Variants in ANK3 observed in about 807,000 individuals in gnomAD.
ANK3 encodes the protein ankyrin-3.
In ANK3, 57 loss-of-function variants were observed where a neutral mutation model predicts 370.9. The observed-to-expected ratio is 0.15, with a 90% CI of 0.12 to 0.19. The LOEUF is 0.19. Ranked by LOEUF, ANK3 falls within the 10% of genes least tolerant of loss-of-function variation. The pLI is 1.00. For synonymous variants in ANK3, 1,929 were observed against 1,946.3 expected (o/e 0.99, Z 0.23); for missense variants, 4,439 against 5,302.1 (o/e 0.84, Z 5.06).
rs747554715 is a variant in ANK3, at chr10:60,187,406, C to T, written c.1888-494G>A. Reference sequence around the variant, plus strand: ...TCCTGACCTCGTGATCCACCTGCCTCGGCCTCCCAAAGTGTTGGGATTACA... The same window carrying T: ...TCCTGACCTCGTGATCCACCTGCCTTGGCCTCCCAAAGTGTTGGGATTACA... On this transcript the variant is annotated intron_variant, in intron 16 of 43. Transcript: ENST00000280772. Among the ~76,000 whole-genome samples the T allele has an allele frequency of 2.4e-4, 37 of 152,136 alleles. 1 individual carries two copies. The highest frequency in any genetic ancestry group is 2.2e-3 in the Admixed American group (33 of 15,282).
At chr10:60,689,235 A>G (rs1313364818) in intron 1 of ANK3, among the ~76,000 whole-genome samples, 2 of 152,070 alleles carry the variant, frequency 1.3e-5, no homozygotes, top group Non-Finnish European at 2.9e-5. Flanking sequence ...CTGTAACTCT[A>G]CAAACAATAA....
At chr10:60,348,471 T>A (rs2056186623) in intron 1 of ANK3, among the ~76,000 whole-genome samples, 1 of 151,862 alleles carries the variant, frequency 6.6e-6, no homozygotes, top group Non-Finnish European at 1.5e-5. Flanking sequence ...AGACACAGAC[T>A]TAGGGTAAGA....
chr10:60,317,371 G>T (rs1162319165), intron 1 of ANK3, among the ~76,000 whole-genome samples: 2 of 150,880 alleles, frequency 1.3e-5, no homozygotes, highest in African/African-American at 4.9e-5. Context: ...GCTATCCCTG[G>T]CTTTGGCTTC....
chr10:60,337,662 C>A (rs902454822), intron 1 of ANK3, among the ~76,000 whole-genome samples: 1 of 152,118 alleles, frequency 6.6e-6, no homozygotes, highest in African/African-American at 2.4e-5. Context: ...TGCCCCAAAC[C>A]AGAAGTGCCT....
At position 60,070,295 on chromosome 10, in the gene ANK3, G is replaced by C; in HGVS notation, c.10586C>G (p.Ala3529Gly). Reference sequence around the variant, plus strand: ...GGTAGCTACTGTTTTAAAAGGAGTGGCAAATTCTTCATCTACTTTGTAACT... The same window carrying C: ...GGTAGCTACTGTTTTAAAAGGAGTGCCAAATTCTTCATCTACTTTGTAACT... ...YFSYKVDEEF[A>G]TPFKTVATKG... Residue 3529 changes from alanine to glycine, a missense_variant, in exon 37 of 44, where the codon GCC becomes GGC. Ala to Gly is a moderately conservative substitution (Grantham distance 60). Transcript: ENST00000280772. The surrounding 1 kb of genome is among the most constrained non-coding windows in gnomAD (Gnocchi z 5.7). 1 of 1,614,120 alleles carries C rather than the reference G, an allele frequency of 6.2e-7. No homozygotes were observed. The highest frequency in any genetic ancestry group is 8.5e-7 in the Non-Finnish European group (1 of 1,180,006).
chr10:60,567,558 C>T (rs1336176401), intron 2 of ANK3, among the ~76,000 whole-genome samples: 4 of 152,182 alleles, frequency 2.6e-5, no homozygotes, highest in Admixed American at 6.5e-5. Flanking sequence ...ATGTTGTTTT[C>T]AGGCCTGCTA....
At chr10:60,474,033 T>C (rs1406260868) in intron 2 of ANK3, among the ~76,000 whole-genome samples, 1 of 149,824 alleles carries the variant, frequency 6.7e-6, no homozygotes, top group Admixed American at 6.7e-5. Flanking sequence ...CTTGGGAGGC[T>C]GAGGCGGGAG....
At chr10:60,106,415 T>G (rs1420419556) in intron 27 of ANK3, among the ~76,000 whole-genome samples, 1 of 152,248 alleles carries the variant, frequency 6.6e-6, no homozygotes, top group East Asian at 1.9e-4. Flanking sequence ...AGGTATATTA[T>G]ACAAATGCTA....
At chr10:60,287,574 C>T (rs779968019) in intron 1 of ANK3, among the ~76,000 whole-genome samples, 5 of 152,214 alleles carry the variant, frequency 3.3e-5, no homozygotes, top group Non-Finnish European at 7.3e-5. Context: ...TTATTATGCA[C>T]TATGTCTTAC....
Position 60,108,991 on chromosome 10 carries a change from C to T in ANK3, c.3012G>A (p.Gly1004=), listed in dbSNP as rs1170289481. The change falls in exon 27 of 44, where the codon GGG becomes GGA. Residue 1004 remains glycine, a synonymous_variant. Transcript: ENST00000280772. ...TGCGTGGAGGAATGATGATTCTCATCCCGTGATGACGGCTTCCTCTCATGG... is the reference window on the plus strand; with the variant it reads ...TGCGTGGAGGAATGATGATTCTCATTCCGTGATGACGGCTTCCTCTCATGG... ...GGSMRGSRHH[G]MRIIIPPRKC... The T allele has an allele frequency of 6.8e-6, 11 of 1,613,890 alleles. No individual in the cohort carries two copies. Among genetic ancestry groups the T allele is most frequent in the Admixed American group, 6.7e-5 (4 of 59,988 alleles).
intron 7 of ANK3, among the ~76,000 whole-genome samples, 171 bp from the exon 8 acceptor site, chr10:60,234,957 T>C (rs142244829): frequency 2.0e-5 from 3 of 152,284 alleles, no homozygotes; most frequent in East Asian, 3.9e-4. Context: ...AAGGAGACTT[T>C]AAAAAGGAAT....
At chr10:60,582,899 G>C (rs907064045) in intron 2 of ANK3, among the ~76,000 whole-genome samples, 2 of 152,064 alleles carry the variant, frequency 1.3e-5, no homozygotes, top group East Asian at 3.9e-4. Flanking sequence ...GTGGAGAAAA[G>C]ATTGCTGGTA....
Position 60,074,904 on chromosome 10 carries a change from T to G in ANK3, c.5977A>C (p.Ser1993Arg), listed in dbSNP as rs774528120. ...HSPEDDWIEF[S>R]SEEIREARQQ... ...CTGGCTTCCCGGATTTCTTCCGAACTAAATTCTATCCAGTCATCTTCAGGA... is the reference window on the plus strand; with the variant it reads ...CTGGCTTCCCGGATTTCTTCCGAACGAAATTCTATCCAGTCATCTTCAGGA... Residue 1993 changes from serine (S) to arginine (R), a missense_variant, in exon 37 of 44, where the codon AGT (serine) becomes CGT (arginine). Ser to Arg is a moderately radical substitution (Grantham distance 110). Around this residue, in one of 13 missense-constraint regions of ANK3, gnomAD observed 679 missense variants for 791.0 expected, o/e 0.86. Transcript: ENST00000280772. The G allele has an allele frequency of 6.6e-5, 107 of 1,613,936 alleles. No individual in the cohort carries two copies. In the Admixed American group the frequency reaches 1.8e-3, roughly 27 times the overall value.
At chr10:60,048,553 T>C (rs986895987) in intron 42 of ANK3, among the ~76,000 whole-genome samples, 1 of 152,196 alleles carries the variant, frequency 6.6e-6, no homozygotes, top group Non-Finnish European at 1.5e-5. Flanking sequence ...GGTGCAGTAT[T>C]TGCATATAAG....
chr10:60,410,953 C>G (rs150968846), intron 2 of ANK3, among the ~76,000 whole-genome samples: 2 of 152,066 alleles, frequency 1.3e-5, no homozygotes, highest in African/African-American at 4.8e-5. Context: ...GAATTACAGG[C>G]GTAAGCCACT....
intron 2 of ANK3, among the ~76,000 whole-genome samples, chr10:60,568,171 G>A (rs2077507541): frequency 6.6e-6 from 1 of 152,154 alleles, no homozygotes; most frequent in Admixed American, 6.5e-5. Flanking sequence ...TGTGAGTAAT[G>A]TTATCAAACA....
intron 1 of ANK3, among the ~76,000 whole-genome samples, chr10:60,354,232 G>A (rs922938485): frequency 5.3e-5 from 8 of 152,124 alleles, no homozygotes; most frequent in African/African-American, 1.9e-4. Context: ...AAATGTGAGA[G>A]AAGATCTGAG....
At position 60,432,877 on chromosome 10, in the gene ANK3, T is replaced by C. The variant is rs112646391; in HGVS notation, c.97-153238A>G. Among the ~76,000 whole-genome samples, 444 of 152,248 alleles carry C rather than the reference T, an allele frequency of 2.9e-3. 2 individuals carry two copies. The highest frequency in any genetic ancestry group is 0.01 in the African/African-American group (421 of 41,552). On this transcript the variant is annotated intron_variant, in intron 2 of 43. Coordinates refer to the ANK3 transcript ENST00000373827. Reference sequence around the variant, plus strand: ...GAGAAAGTCATTTACAGAATAAATATCTTCATGAACAAGTTGAAAATTTGA... The same window carrying C: ...GAGAAAGTCATTTACAGAATAAATACCTTCATGAACAAGTTGAAAATTTGA...
At chr10:60,450,334 T>G (rs1425025168) in intron 2 of ANK3, among the ~76,000 whole-genome samples, 1 of 152,122 alleles carries the variant, frequency 6.6e-6, no homozygotes, top group Admixed American at 6.6e-5. Flanking sequence ...AAGCTCTGAT[T>G]TGCGGTGTTT....
Sources: allele counts gnomAD v4.1 joint callset (sites outside exome capture counted in the v4.1 genomes callset), GRCh38; gene constraint gnomAD v4.1.1; regional missense constraint gnomAD v4.1.1; non-coding constraint Gnocchi (gnomAD v3.1); transcripts MANE v1.5; gene names NCBI Gene and HGNC (gene_info 2026-07-23, HGNC 2026-07-21).